EPHA3: variants seen among roughly 807,000 people sequenced by gnomAD.
The protein encoded by EPHA3 is EPH receptor A3.
EPHA3 carries 42 observed loss-of-function variants against 107.1 expected under a neutral mutation model. The observed-to-expected ratio is 0.39, with a 90% CI of 0.31 to 0.51. EPHA3 has a LOEUF of 0.51. EPHA3 is among the 20% of genes least tolerant of loss of function. The pLI, the probability that EPHA3 is intolerant of heterozygous loss-of-function variation, is 0.78. For synonymous variants in EPHA3, 461 were observed against 424.8 expected, an observed-to-expected ratio of 1.09 and a Z score of -1.05; for missense variants, 1,183 against 1,211.2, an observed-to-expected ratio of 0.98 and a Z score of 0.35.
chr3:89,358,117 T>C (rs967051497), intron 5 of EPHA3, among the ~76,000 whole-genome samples: 19 of 150,950 alleles, frequency 1.3e-4, no homozygotes, highest in African/African-American at 4.4e-4. Flanking sequence ...GTATATGGAG[T>C]CTAACAGATA....
chr3:89,134,525 T>A (rs183246127), intron 2 of EPHA3, among the ~76,000 whole-genome samples: 1 of 152,326 alleles, frequency 6.6e-6, no homozygotes, highest in East Asian at 1.9e-4. Context: ...GCTTCATCCA[T>A]GTCCCTACAA....
chr3:89,208,155 C>A (rs560117085), intron 2 of EPHA3, among the ~76,000 whole-genome samples: 1 of 151,762 alleles, frequency 6.6e-6, no homozygotes, highest in Non-Finnish European at 1.5e-5. Flanking sequence ...AGGTGGATCA[C>A]GAGGCCAGGA....
intron 5 of EPHA3, among the ~76,000 whole-genome samples, chr3:89,387,491 T>G (rs1397751475): frequency 1.3e-5 from 2 of 152,186 alleles, no homozygotes; most frequent in Non-Finnish European, 2.9e-5. Context: ...CAATTAAGCC[T>G]CTTTCATTTA....
rs767686552 is a variant in EPHA3, at chr3:89,391,603, A to ATT, written c.1307-4224_1307-4223dup. On this transcript the variant is annotated intron_variant, in intron 5 of 16. Coordinates refer to ENST00000336596, the MANE Select transcript of EPHA3 (RefSeq NM_005233.6). ...CCACCATGCCCAGCTAATTTTTTGT[A>ATT]TTTTTTTTTTTAGTAGAGATGGGGT... 5.4e-3 allele frequency among the ~76,000 whole-genome samples: 754 copies of ATT among 138,362 alleles called. 8 individuals carry two copies. The highest frequency in any genetic ancestry group is 0.019 in the African/African-American group (702 of 37,896). The allele number at this position is 138,362 out of a possible 152,430, so 90.8% of individuals were successfully genotyped here.
chr3:89,238,394 A>G (rs1375388732), intron 3 of EPHA3, among the ~76,000 whole-genome samples: 1 of 152,182 alleles, frequency 6.6e-6, no homozygotes, highest in Admixed American at 6.5e-5. Flanking sequence ...GTAGCTTGAA[A>G]TCTCATAGAG....
At chr3:89,315,732 A>G (rs1706882160) in intron 3 of EPHA3, among the ~76,000 whole-genome samples, 1 of 151,884 alleles carries the variant, frequency 6.6e-6, no homozygotes, top group Non-Finnish European at 1.5e-5. Context: ...TTTCATGGAG[A>G]AAAAGCAACA....
rs540615840 is a variant in EPHA3 at position 89,369,263 on chromosome 3, T to G, written c.1307-26574T>G. Among the ~76,000 whole-genome samples, 3 of 150,846 alleles carry G rather than the reference T, an allele frequency of 2.0e-5. No homozygotes were observed. The East Asian group carries it at 5.8e-4, about 29-fold the overall frequency. The stretch of plus-strand genomic sequence containing the variant: ...GACTTCAAAATATACTACAAGGCTA[T>G]AGTAACCAAAACAGCATGGTACTGG... On this transcript the variant is annotated intron_variant, in intron 5 of 16. Transcript: ENST00000336596.
At chr3:89,377,815 T>C (rs1708429993) in intron 5 of EPHA3, among the ~76,000 whole-genome samples, 2 of 152,144 alleles carry the variant, frequency 1.3e-5, no homozygotes, top group Admixed American at 1.3e-4. Flanking sequence ...TTATAATGCT[T>C]ATATAATAGT....
chr3:89,305,635 G>GA (rs1414064092), intron 3 of EPHA3, among the ~76,000 whole-genome samples: 2 of 151,972 alleles, frequency 1.3e-5, no homozygotes, highest in African/African-American at 4.8e-5. Context: ...ATTGTAAGGG[G>GA]AAAAAACCTA....
chr3:89,121,012 G>A (rs917495246), intron 1 of EPHA3, among the ~76,000 whole-genome samples: 22 of 151,588 alleles, frequency 1.5e-4, no homozygotes, highest in Non-Finnish European at 1.6e-4. Flanking sequence ...GGCCGAGGCC[G>A]GCGGTTCACG....
chr3:89,359,175 T>A (rs1708032303), intron 5 of EPHA3, among the ~76,000 whole-genome samples: 1 of 151,166 alleles, frequency 6.6e-6, no homozygotes, highest in African/African-American at 2.4e-5. Context: ...ATAAAGACAA[T>A]GTCTAAAGTT....
intron 1 of EPHA3, among the ~76,000 whole-genome samples, chr3:89,109,155 T>C (rs1344026516): frequency 6.6e-6 from 1 of 152,148 alleles, no homozygotes. Context: ...GCAGTTTTCA[T>C]TAAATGTTCT....
intron 15 of EPHA3, among the ~76,000 whole-genome samples, chr3:89,460,823 C>CTCTTTTTTTTTTTTTTTTT (rs1199238290): frequency 3.6e-4 from 37 of 102,954 alleles, no homozygotes; most frequent in South Asian, 8.9e-4. Context: ...CTCTGTCTCT[C>CTCTTTTTTTTTTTTTTTTT]TTTTTTTTTT....
intron 1 of EPHA3, among the ~76,000 whole-genome samples, 181 bp from the exon 2 acceptor site, chr3:89,127,028 C>G (rs1222639561): frequency 6.6e-6 from 1 of 151,862 alleles, no homozygotes; most frequent in Non-Finnish European, 1.5e-5. Context: ...CTTTTGATCT[C>G]TTAACTTTCC....
At chr3:89,359,290 T>C (rs1437450700) in intron 5 of EPHA3, among the ~76,000 whole-genome samples, 1 of 150,992 alleles carries the variant, frequency 6.6e-6, no homozygotes, top group Non-Finnish European at 1.5e-5. Flanking sequence ...TTTACTAGTT[T>C]GCTAATATTT....
chr3:89,392,203 G>C (rs1266037522), intron 5 of EPHA3, among the ~76,000 whole-genome samples: 1 of 152,116 alleles, frequency 6.6e-6, no homozygotes, highest in African/African-American at 2.4e-5. Flanking sequence ...ATTTAGGGAG[G>C]CTGAGGCAGT....
chr3:89,379,522 C>A (rs1490394304), intron 5 of EPHA3, among the ~76,000 whole-genome samples: 3 of 152,074 alleles, frequency 2.0e-5, no homozygotes, highest in Non-Finnish European at 2.9e-5. Context: ...AGGATATATA[C>A]TTGGAGGAGA....
intron 7 of EPHA3, among the ~76,000 whole-genome samples, chr3:89,404,524 G>A (rs1457608055): frequency 1.3e-5 from 2 of 151,818 alleles, no homozygotes; most frequent in Non-Finnish European, 2.9e-5. Context: ...AGAAACAGAG[G>A]GAGCAGAAAA....
At chr3:89,368,271 T>A (rs1294140670) in intron 5 of EPHA3, among the ~76,000 whole-genome samples, 1 of 150,448 alleles carries the variant, frequency 6.6e-6, no homozygotes, top group Non-Finnish European at 1.5e-5. Flanking sequence ...TTAGAGTACA[T>A]TATTTAAAGC....
Sources: allele counts gnomAD v4.1 joint callset (sites outside exome capture counted in the v4.1 genomes callset), GRCh38; gene constraint gnomAD v4.1.1; transcripts MANE v1.5; gene names NCBI Gene and HGNC (gene_info 2026-07-23, HGNC 2026-07-21).